The following CACNA2D3 variants were observed in gnomAD, a reference collection of about 807,000 sequenced individuals.
CACNA2D3 encodes voltage-dependent calcium channel subunit alpha-2/delta-3.
Under a neutral mutation model 160.6 loss-of-function variants are expected in CACNA2D3, and 60 were observed. The ratio of observed to expected loss-of-function variants is 0.37; its 90% CI spans 0.30 to 0.46. The LOEUF is 0.46. CACNA2D3 is among the 20% of genes least tolerant of loss of function. The pLI, the probability that CACNA2D3 is intolerant of heterozygous loss-of-function variation, is 1.00. For synonymous variants in CACNA2D3, 558 were observed against 492.9 expected (o/e 1.13, Z -1.75); for missense variants, 1,205 against 1,365.0 (o/e 0.88, Z 1.85).
chr3:54,265,104 A>G (rs1295198414), intron 2 of CACNA2D3, among the ~76,000 whole-genome samples: 1 of 152,192 alleles, frequency 6.6e-6, no homozygotes, highest in Non-Finnish European at 1.5e-5. Context: ...ATACCCAGCA[A>G]TGGGATTGCT....
chr3:54,701,764 C>A (rs923455030), intron 11 of CACNA2D3, among the ~76,000 whole-genome samples: 3 of 152,092 alleles, frequency 2.0e-5, no homozygotes, highest in African/African-American at 4.8e-5. Flanking sequence ...TTTCATGGAA[C>A]CAAAAATGAG....
intron 10 of CACNA2D3, among the ~76,000 whole-genome samples, chr3:54,635,400 ACAGTGTAAACCGG>A (rs1228327023): frequency 6.6e-6 from 1 of 151,974 alleles, no homozygotes; most frequent in African/African-American, 2.4e-5. Flanking sequence ...GCTTGGAGAA[ACAGTGTAAACCGG>A]CAGTGTAAAC....
intron 3 of CACNA2D3, among the ~76,000 whole-genome samples, chr3:54,331,684 A>G (rs964679212): frequency 4.6e-5 from 7 of 152,196 alleles, no homozygotes; most frequent in Admixed American, 2.6e-4. Context: ...TAAGGTAAGA[A>G]TGTGCATTAT....
Position 54,525,441 on chromosome 3 carries a change from A to G in CACNA2D3, c.544+21787A>G, listed in dbSNP as rs73093813. On this transcript the variant is annotated intron_variant, in intron 5 of 37. Transcript: ENST00000474759. The stretch of plus-strand genomic sequence containing the variant: ...CTTGATTTTTGTCTTGTGACTTTGA[A>G]TTACCATCTTGGGTTATTTGCTCTA... Among the ~76,000 whole-genome samples the G allele has an allele frequency of 7.7e-3, 1,171 of 152,250 alleles. 4 individuals are homozygous for G. Among genetic ancestry groups the G allele is most frequent in the Non-Finnish European group, 0.011 (781 of 67,970 alleles).
chr3:54,887,759 A>C (rs977413075), intron 23 of CACNA2D3, among the ~76,000 whole-genome samples, 200 bp from the exon 24 acceptor site: 1 of 152,184 alleles, frequency 6.6e-6, no homozygotes, highest in African/African-American at 2.4e-5. Flanking sequence ...TTCTTGCCCA[A>C]ATGCTTTGGA....
chr3:54,280,217 A>G (rs1276958885), intron 2 of CACNA2D3, among the ~76,000 whole-genome samples: 1 of 151,944 alleles, frequency 6.6e-6, no homozygotes, highest in Middle Eastern at 3.4e-3. Context: ...GAGTAGCTGG[A>G]ACTACAGGTG....
At chr3:54,193,118 G>T (rs1317487561) in intron 2 of CACNA2D3, among the ~76,000 whole-genome samples, 1 of 152,076 alleles carries the variant, frequency 6.6e-6, no homozygotes, top group Non-Finnish European at 1.5e-5. Context: ...TTTTGTTATC[G>T]AACCCCTTTT....
chr3:54,605,197 T>TA (rs1697585519), intron 9 of CACNA2D3, among the ~76,000 whole-genome samples: 1 of 152,194 alleles, frequency 6.6e-6, no homozygotes, highest in Non-Finnish European at 1.5e-5. Context: ...GGGTCCAACC[T>TA]ACTCCAGTGT....
At chr3:55,018,071 A>T in intron 34 of CACNA2D3, 135 bp from the exon 35 acceptor site, 1 of 612,678 alleles carries the variant, frequency 1.6e-6, no homozygotes. Flanking sequence ...TTAGAAAATA[A>T]TGCATTATGC....
intron 2 of CACNA2D3, among the ~76,000 whole-genome samples, chr3:54,146,869 G>A (rs1234938850): frequency 6.6e-6 from 1 of 152,264 alleles, no homozygotes; most frequent in Non-Finnish European, 1.5e-5. Flanking sequence ...GCAGGGCTCT[G>A]TCACAGTTGT....
chr3:54,988,110 A>G (rs551728393), intron 31 of CACNA2D3, among the ~76,000 whole-genome samples: 55 of 152,312 alleles, frequency 3.6e-4, no homozygotes, highest in Middle Eastern at 6.8e-3. Context: ...TTTGTCTCCT[A>G]TTGATTAACC....
chr3:54,245,035 T>A (rs1460665827), intron 2 of CACNA2D3, among the ~76,000 whole-genome samples: 1 of 152,184 alleles, frequency 6.6e-6, no homozygotes, highest in East Asian at 1.9e-4. Flanking sequence ...TAGGGTACTC[T>A]TTCATTCTGA....
intron 4 of CACNA2D3, among the ~76,000 whole-genome samples, chr3:54,476,066 AT>A (rs1700825538): frequency 8.6e-6 from 1 of 116,796 alleles, no homozygotes; most frequent in African/African-American, 3.3e-5. Flanking sequence ...TTTTTTTTAG[AT>A]TTCACATATA....
chr3:54,417,330 A>G (rs1036345231), intron 4 of CACNA2D3, among the ~76,000 whole-genome samples: 53 of 152,210 alleles, frequency 3.5e-4, no homozygotes, highest in African/African-American at 1.3e-3. Context: ...GGAAGGTAAA[A>G]TAATAATTTT....
rs571401849 is a variant in CACNA2D3 at position 54,430,536 on chromosome 3, A to G, written c.381+43762A>G. On this transcript the variant is annotated intron_variant, in intron 4 of 37. Coordinates refer to ENST00000474759, the MANE Select transcript of CACNA2D3 (RefSeq NM_018398.3). Reference sequence around the variant, plus strand: ...TTTATATCTTTGATTAAAGTTTTCAACTCAACACATGCAGAAATTGGCTTA... The same window carrying G: ...TTTATATCTTTGATTAAAGTTTTCAGCTCAACACATGCAGAAATTGGCTTA... Among the ~76,000 whole-genome samples, 11 of 152,256 alleles carry G rather than the reference A, an allele frequency of 7.2e-5. No homozygotes were observed. The South Asian group carries it at 2.3e-3, about 32-fold the overall frequency.
At chr3:54,154,954 A>G (rs1023092016) in intron 2 of CACNA2D3, among the ~76,000 whole-genome samples, 1 of 152,264 alleles carries the variant, frequency 6.6e-6, no homozygotes. Context: ...AAAAAATTTC[A>G]ATAAAATTAT....
At chr3:54,946,115 G>A (rs1349779861) in intron 27 of CACNA2D3, among the ~76,000 whole-genome samples, 1 of 152,296 alleles carries the variant, frequency 6.6e-6, no homozygotes, top group African/African-American at 2.4e-5. Flanking sequence ...GCATTGATGT[G>A]CCTGTCCTGA....
intron 11 of CACNA2D3, among the ~76,000 whole-genome samples, chr3:54,723,907 TCA>T (rs1210747702): frequency 6.6e-6 from 1 of 152,114 alleles, no homozygotes; most frequent in African/African-American, 2.4e-5. Context: ...AGGATCAAAT[TCA>T]CACATAACAA....
chr3:54,984,734 C>A, intron 30 of CACNA2D3, 64 bp downstream of exon 30: 2 of 955,190 alleles, frequency 2.1e-6, no homozygotes, highest in Non-Finnish European at 3.2e-6. Flanking sequence ...TCAGGGGGAA[C>A]AAATTATGGT....
Sources: allele counts gnomAD v4.1 joint callset (sites outside exome capture counted in the v4.1 genomes callset), GRCh38; gene constraint gnomAD v4.1.1; transcripts MANE v1.5; gene names NCBI Gene and HGNC (gene_info 2026-07-23, HGNC 2026-07-21).